Variants in CDCA8 observed in about 807,000 individuals in gnomAD.
CDCA8 encodes the protein cell division cycle associated 8.
CDCA8 carries 25 observed loss-of-function variants against 40.0 expected under a neutral mutation model. The observed-to-expected ratio is 0.63, with a 90% CI of 0.46 to 0.87. The LOEUF (loss-of-function observed/expected upper bound fraction) is 0.87. CDCA8 is among the 40% of genes least tolerant of loss of function. The probability of loss-of-function intolerance (pLI) is 0.00; values close to 1 mark genes in which losing one functional copy is unlikely to be tolerated. For missense variants in CDCA8, 280 were observed against 348.4 expected (o/e 0.80, Z 1.56); for synonymous variants, 111 against 126.5 (o/e 0.88, Z 0.82).
chr1:37,699,339 T>TA (rs1388565723), intron 4 of CDCA8, among the ~76,000 whole-genome samples: 1 of 152,142 alleles, frequency 6.6e-6, no homozygotes, highest in Non-Finnish European at 1.5e-5. Context: ...AGAGAGGTGT[T>TA]AAAAGACTGG....
rs1570275511 is a variant in CDCA8 at position 37,693,990 on chromosome 1, G to T, written c.223+957G>T. ...CTGTCTCTACTAAAAATACAAAAAA[G>T]TTAGCCGGGCGTGGTGGCGCATACC... On this transcript the variant is annotated intron_variant, in intron 2 of 9. Transcript: ENST00000373055. Among the ~76,000 whole-genome samples, 3 of 151,932 alleles carry T rather than the reference G, an allele frequency of 2.0e-5. No homozygotes were observed. In the South Asian group the frequency reaches 6.2e-4, roughly 32 times the overall value.
intron 7 of CDCA8, 105 bp downstream of exon 7, chr1:37,703,452 A>G (rs1354469325): frequency 1.2e-6 from 1 of 846,242 alleles, no homozygotes; most frequent in Non-Finnish European, 2.0e-6. Context: ...ACGGTAGCTC[A>G]CGCCTGTAAT....
chr1:37,692,574 C>G lies in CDCA8; in HGVS notation c.-117C>G. On this transcript the variant is annotated 5_prime_UTR_variant, in exon 1 of 10. Transcript: ENST00000373055. ...TTTTGCTCAGCCCTTGTCTCGGGAC[C>G]GCAGGTACGTGCCTGGCGACTTCTT... The G allele has an allele frequency of 1.3e-6, 1 of 783,304 alleles. No individual in the cohort carries two copies. The highest frequency in any genetic ancestry group is 2.1e-5 in the Admixed American group (1 of 47,914). 48.5% of individuals were successfully genotyped at this position (783,304 alleles called of 1,614,324 possible). A position where few individuals can be genotyped will look rare whatever the true frequency, so the allele number is the denominator to read the frequency against.
chr1:37,706,922 A>C, intron 8 of CDCA8, 56 bp from the exon 9 acceptor site: 1 of 1,371,834 alleles, frequency 7.3e-7, no homozygotes, highest in Non-Finnish European at 1.0e-6. Context: ...AGGGGAACCT[A>C]GGGGTTCCGG....
chr1:37,704,780 T>A (rs1002309634), intron 7 of CDCA8, among the ~76,000 whole-genome samples: 1 of 151,744 alleles, frequency 6.6e-6, no homozygotes, highest in Admixed American at 6.6e-5. Context: ...CCTGAGTAGC[T>A]GAGATTATAG....
At chr1:37,695,039 T>C (rs1045457012) in intron 2 of CDCA8, among the ~76,000 whole-genome samples, 4 of 152,132 alleles carry the variant, frequency 2.6e-5, no homozygotes, top group Non-Finnish European at 2.9e-5. Flanking sequence ...CTCTACACTT[T>C]GCAGCAAACT....
intron 3 of CDCA8, among the ~76,000 whole-genome samples, chr1:37,697,797 C>G (rs556223381): frequency 4.1e-4 from 63 of 152,368 alleles, no homozygotes; most frequent in Non-Finnish European, 8.8e-5. Flanking sequence ...AATGCCCCTA[C>G]TTTCTGTTGC....
chr1:37,703,311 A>G lies in CDCA8; in HGVS notation c.548A>G (p.Lys183Arg). The G allele has an allele frequency of 6.2e-7, 1 of 1,614,064 alleles. No individual in the cohort carries two copies. The highest frequency in any genetic ancestry group is 8.5e-7 in the Non-Finnish European group (1 of 1,179,960). ...GGCCGATTGGAGGTGTCCATGGTCA[A>G]ACCAACTCCAGGCCTGACACCCAGG... ...AVGRLEVSMV[K>R]PTPGLTPRFD... The change falls in exon 7 of 10, where the codon AAA (lysine) becomes AGA (arginine). Residue 183 changes from lysine (K) to arginine (R), a missense_variant. Physicochemically the swap from Lys to Arg is conservative, Grantham distance 26. Coordinates refer to ENST00000373055, the MANE Select transcript of CDCA8 (RefSeq NM_001256875.2).
Position 37,705,424 on chromosome 1 carries a change from A to G in CDCA8, c.585-17A>G. On this transcript the variant is annotated splice_polypyrimidine_tract_variant and intron_variant, in intron 7 of 9. Coordinates refer to ENST00000373055, the MANE Select transcript of CDCA8 (RefSeq NM_001256875.2). ...TCCAATTGCCAAGCTATCTTCACAG[A>G]GATTTTCCCATTCTAGGGTCTTCAA... 6.2e-7 allele frequency: 1 copy of G among 1,610,372 alleles called. No homozygotes were observed.
At chr1:37,701,912 G>C (rs568151519) in intron 6 of CDCA8, 94 bp downstream of exon 6, 1 of 926,746 alleles carries the variant, frequency 1.1e-6, no homozygotes, top group African/African-American at 1.7e-5. Flanking sequence ...AGGCTCTGGT[G>C]GCTAGTGTTT....
intron 7 of CDCA8, among the ~76,000 whole-genome samples, chr1:37,704,451 C>T (rs1479986714): frequency 6.6e-6 from 1 of 152,098 alleles, no homozygotes; most frequent in East Asian, 1.9e-4. Flanking sequence ...ACCGTGATCA[C>T]AGAGCATCTC....
chr1:37,704,022 C>T (rs561948201), intron 7 of CDCA8, among the ~76,000 whole-genome samples: 4 of 152,248 alleles, frequency 2.6e-5, no homozygotes, highest in Admixed American at 1.3e-4. Flanking sequence ...GGCACAATCA[C>T]GGCTCACTGC....
intron 3 of CDCA8, among the ~76,000 whole-genome samples, chr1:37,698,580 A>G (rs1352857105): frequency 2.0e-5 from 3 of 152,280 alleles, no homozygotes; most frequent in Non-Finnish European, 4.4e-5. Flanking sequence ...CTGTGAGCAC[A>G]TACACATGTA....
Position 37,708,379 on chromosome 1 carries a change from G to T in CDCA8, c.*13G>T. ...GACCCACAAATGAGACACCAAAGTT[G>T]ACAGGATGGACTTTTAATGGGCACT... On this transcript the variant is annotated 3_prime_UTR_variant, in exon 10 of 10. Transcript: ENST00000373055. 1 of 1,613,604 alleles carries T rather than the reference G, an allele frequency of 6.2e-7. No homozygotes were observed. The highest frequency in any genetic ancestry group is 8.5e-7 in the Non-Finnish European group (1 of 1,179,504).
rs1645625004 is a variant in CDCA8, at chr1:37,709,509, AG to A, written c.*1146del. On this transcript the variant is annotated 3_prime_UTR_variant, in exon 10 of 10. Transcript: ENST00000373055. Reference sequence around the variant, plus strand: ...TTGAAGGCACATGGCTTTCTCATGTAGGGCTCTCTGTGGTATTTGTTATTAT... The same window carrying A: ...TTGAAGGCACATGGCTTTCTCATGTAGGCTCTCTGTGGTATTTGTTATTAT... The A allele has an allele frequency of 6.6e-6, 1 of 152,148 alleles. No homozygotes were observed. Among genetic ancestry groups the A allele is most frequent in the African/African-American group, 2.4e-5 (1 of 41,430 alleles). 9.4% of individuals were successfully genotyped at this position (152,148 alleles called of 1,614,324 possible).
Position 37,698,961 on chromosome 1 carries a change from C to T in CDCA8, c.321C>T (p.Pro107=), listed in dbSNP as rs374128821. ...NKLTAEAIQT[P]LKSAKTRKVI... is the part of the protein sequence containing the mutation. ...TAACAGCAGAAGCTATTCAGACACC[C>T]CTGAAATCTGCCAAAAGTGAGTACC... The change falls in exon 4 of 10, where the codon CCC becomes CCT. Residue 107 remains proline, a synonymous_variant. Coordinates refer to ENST00000373055, the MANE Select transcript of CDCA8 (RefSeq NM_001256875.2). 1.2e-6 allele frequency: 2 copies of T among 1,612,496 alleles called. No individual in the cohort carries two copies. The highest frequency in any genetic ancestry group is 2.7e-5 in the African/African-American group (2 of 74,884).
intron 7 of CDCA8, among the ~76,000 whole-genome samples, chr1:37,705,037 C>G (rs1169586575): frequency 6.6e-6 from 1 of 152,174 alleles, no homozygotes; most frequent in Non-Finnish European, 1.5e-5. Context: ...TTTTAACTGT[C>G]TTGAGAAATT....
chr1:37,692,961 G>T lies in CDCA8; in HGVS notation c.151G>T (p.Asp51Tyr), dbSNP rs768323749. The change falls in exon 2 of 10, where the codon GAT (aspartate) becomes TAT (tyrosine). Residue 51 changes from aspartate to tyrosine, a missense_variant. Asp to Tyr is a radical substitution (Grantham distance 160). Transcript: ENST00000373055. ...CAGGCAGAACCTCCTCAAGGAGGTG[G>T]ATAACCTCTACAACATCGAGATCCT... ...SDRQNLLKEV[D>Y]NLYNIEILRL... The T allele has an allele frequency of 1.2e-6, 2 of 1,613,776 alleles. No homozygotes were observed. Among genetic ancestry groups the T allele is most frequent in the African/African-American group, 2.7e-5 (2 of 74,914 alleles).
At chr1:37,697,878 CCTT>C (rs201455056) in intron 3 of CDCA8, among the ~76,000 whole-genome samples, 3,788 of 152,306 alleles carry the variant, frequency 0.025, 153 homozygotes, top group African/African-American at 0.086. Flanking sequence ...GCCTCAGAAT[CCTT>C]CTCTGAGTAT....
Sources: allele counts gnomAD v4.1 joint callset (sites outside exome capture counted in the v4.1 genomes callset), GRCh38; gene constraint gnomAD v4.1.1; transcripts MANE v1.5; gene names NCBI Gene and HGNC (gene_info 2026-07-23, HGNC 2026-07-21).